Variants in SGCZ observed in about 807,000 individuals in gnomAD.
SGCZ encodes the protein zeta-sarcoglycan.
In SGCZ, 40 loss-of-function variants were observed where a neutral mutation model predicts 41.3. The observed-to-expected ratio is 0.97, with a 90% CI of 0.75 to 1.26. SGCZ has a LOEUF of 1.26. SGCZ is among the 50% of genes most tolerant of loss of function. SGCZ has a pLI of 0.00. For synonymous variants in SGCZ, 206 were observed against 137.5 expected, an observed-to-expected ratio of 1.50 and a Z score of -3.49; for missense variants, 552 against 369.8, an observed-to-expected ratio of 1.49 and a Z score of -4.04.
chr8:14,486,715 G>A (rs1801686749), intron 2 of SGCZ, among the ~76,000 whole-genome samples: 1 of 152,174 alleles, frequency 6.6e-6, no homozygotes, highest in Non-Finnish European at 1.5e-5. Flanking sequence ...TGAGACCACA[G>A]GCTTGCCTCA....
intron 1 of SGCZ, among the ~76,000 whole-genome samples, chr8:14,701,559 G>A (rs1809137486): frequency 6.6e-6 from 1 of 151,892 alleles, no homozygotes; most frequent in Admixed American, 6.6e-5. Flanking sequence ...TCCACAGGCC[G>A]TCCGTGCTGC....
intron 2 of SGCZ, among the ~76,000 whole-genome samples, chr8:14,472,415 G>C (rs933847339): frequency 1.3e-5 from 2 of 152,018 alleles, no homozygotes; most frequent in African/African-American, 4.8e-5. Context: ...TTGTCTTTGA[G>C]TCTGAATAGT....
At chr8:14,501,751 G>C (rs550654831) in intron 2 of SGCZ, among the ~76,000 whole-genome samples, 1 of 151,662 alleles carries the variant, frequency 6.6e-6, no homozygotes, top group South Asian at 2.1e-4. Flanking sequence ...TGGTTGTATA[G>C]CAGACTATTC....
intron 1 of SGCZ, among the ~76,000 whole-genome samples, chr8:14,581,996 GAGAA>G (rs371122361): frequency 1.0e-3 from 157 of 152,176 alleles, no homozygotes; most frequent in East Asian, 4.8e-3. Flanking sequence ...TGCTACTGCT[GAGAA>G]AGAAAGACAA....
chr8:14,251,764 A>G (rs745833311), intron 3 of SGCZ, among the ~76,000 whole-genome samples: 4 of 152,208 alleles, frequency 2.6e-5, no homozygotes, highest in Non-Finnish European at 4.4e-5. Flanking sequence ...AAATGTAGGT[A>G]TAAATTTAAC....
intron 1 of SGCZ, among the ~76,000 whole-genome samples, chr8:14,784,710 C>A (rs1972912): frequency 6.6e-6 from 1 of 151,138 alleles, no homozygotes; most frequent in Admixed American, 6.6e-5. Context: ...GCCTGACTAA[C>A]GTGGAGAAAC....
At chr8:14,548,707 G>A (rs1371324773) in intron 2 of SGCZ, among the ~76,000 whole-genome samples, 2 of 152,008 alleles carry the variant, frequency 1.3e-5, no homozygotes, top group African/African-American at 2.4e-5. Context: ...TATAATTAGT[G>A]GGGGCTTATT....
intron 1 of SGCZ, among the ~76,000 whole-genome samples, chr8:14,672,443 T>C (rs997305538): frequency 1.3e-5 from 2 of 152,190 alleles, no homozygotes; most frequent in Non-Finnish European, 2.9e-5. Flanking sequence ...GTTTTTTAAA[T>C]TCATGTATGT....
intron 1 of SGCZ, among the ~76,000 whole-genome samples, chr8:14,731,024 C>T (rs1268607156): frequency 6.6e-6 from 1 of 151,616 alleles, no homozygotes; most frequent in African/African-American, 2.4e-5. Context: ...ACCCAGCAAC[C>T]CCATTACTAG....
chr8:14,692,915 C>T (rs1261044962), intron 1 of SGCZ, among the ~76,000 whole-genome samples: 2 of 152,088 alleles, frequency 1.3e-5, no homozygotes, highest in Non-Finnish European at 2.9e-5. Context: ...AATTCTAAAC[C>T]TTGATGGAAT....
At chr8:14,909,699 A>T (rs1210072664) in intron 1 of SGCZ, among the ~76,000 whole-genome samples, 1 of 152,054 alleles carries the variant, frequency 6.6e-6, no homozygotes, top group Non-Finnish European at 1.5e-5. Flanking sequence ...CTAACCAATA[A>T]CTCAGCCTGG....
intron 1 of SGCZ, among the ~76,000 whole-genome samples, chr8:14,672,553 G>A (rs1428178850): frequency 6.6e-6 from 1 of 152,156 alleles, no homozygotes; most frequent in East Asian, 1.9e-4. Context: ...AAATCATGTA[G>A]CCACCTACAG....
At chr8:14,235,854 T>G (rs2117162519) in intron 4 of SGCZ, among the ~76,000 whole-genome samples, 1 of 152,156 alleles carries the variant, frequency 6.6e-6, no homozygotes, top group South Asian at 2.1e-4. Context: ...CCAAATAATT[T>G]TTGTATTTTT....
intron 1 of SGCZ, among the ~76,000 whole-genome samples, chr8:14,718,923 T>A (rs1809788805): frequency 6.7e-6 from 1 of 149,956 alleles, no homozygotes; most frequent in Non-Finnish European, 1.5e-5. Context: ...TACACATGTA[T>A]ACATGTGCCA....
intron 1 of SGCZ, among the ~76,000 whole-genome samples, chr8:14,822,105 C>CACAT (rs1554506396): frequency 6.6e-6 from 1 of 151,794 alleles, no homozygotes; most frequent in African/African-American, 2.4e-5. Flanking sequence ...CACACACACA[C>CACAT]ACACGGTTAG....
chr8:14,261,190 A>T (rs1012884444), intron 3 of SGCZ, among the ~76,000 whole-genome samples: 1 of 152,212 alleles, frequency 6.6e-6, no homozygotes, highest in African/African-American at 2.4e-5. Context: ...AAGTAAAACA[A>T]CTTTCTTTCC....
intron 1 of SGCZ, among the ~76,000 whole-genome samples, chr8:14,829,725 T>C (rs184982687): frequency 3.5e-4 from 53 of 152,070 alleles, no homozygotes; most frequent in African/African-American, 1.3e-3. Flanking sequence ...TAAAGTTGGA[T>C]GTTTAATTTA....
intron 1 of SGCZ, among the ~76,000 whole-genome samples, chr8:14,602,614 A>C (rs1805628826): frequency 6.6e-6 from 1 of 152,210 alleles, no homozygotes; most frequent in Non-Finnish European, 1.5e-5. Context: ...TTGTGTATTA[A>C]AATATCATCT....
intron 3 of SGCZ, among the ~76,000 whole-genome samples, chr8:14,279,960 A>G (rs2117286081): frequency 6.6e-6 from 1 of 152,026 alleles, no homozygotes; most frequent in South Asian, 2.1e-4. Flanking sequence ...GTCCAAACAG[A>G]AAACTTACTC....
Sources: allele counts gnomAD v4.1 joint callset (sites outside exome capture counted in the v4.1 genomes callset), GRCh38; gene constraint gnomAD v4.1.1; transcripts MANE v1.5; gene names NCBI Gene and HGNC (gene_info 2026-07-23, HGNC 2026-07-21).